Variants in EP400 observed in about 807,000 individuals in gnomAD.
EP400 encodes the protein E1A-binding protein p400.
EP400 carries 105 observed loss-of-function variants against 354.1 expected under a neutral mutation model. The ratio of observed to expected loss-of-function variants is 0.30; its 90% CI spans 0.25 to 0.35. EP400 has a LOEUF of 0.35. Ranked by LOEUF, EP400 falls within the 10% of genes least tolerant of loss-of-function variation. EP400 has a pLI of 1.00. For missense variants in EP400, 3,280 were observed against 4,121.0 expected (o/e 0.80, Z 5.59); for synonymous variants, 1,646 against 1,716.9 (o/e 0.96, Z 1.02).
intron 45 of EP400, among the ~76,000 whole-genome samples, chr12:132,059,517 GAT>G (rs1181889261): frequency 6.6e-6 from 1 of 152,248 alleles, no homozygotes; most frequent in Non-Finnish European, 1.5e-5. Flanking sequence ...AGCAAATGCA[GAT>G]TCTCTCTGGA....
chr12:132,049,582 C>CTTGGCACACTCTCT (rs1895227298), intron 39 of EP400, among the ~76,000 whole-genome samples: 1 of 152,168 alleles, frequency 6.6e-6, no homozygotes, highest in African/African-American at 2.4e-5. Flanking sequence ...TGGTTTTCGC[C>CTTGGCACACTCTCT]TTGGCACACT....
rs568844341 is a variant in EP400 at position 132,064,086 on chromosome 12, A to AC, written c.8335-576dup. On this transcript the variant is annotated intron_variant, in intron 47 of 52. Transcript: ENST00000389561. ...ACCTGCCCCGGTTCAACCACTGATG[A>AC]CCCCCCGGCCTACAGCCACACAGGT... Among the ~76,000 whole-genome samples, 188 of 82,622 alleles carry AC rather than the reference A, an allele frequency of 2.3e-3. 1 individual carries two copies. The highest frequency in any genetic ancestry group is 7.9e-3 in the African/African-American group (178 of 22,516). The allele number at this position is 82,622 out of a possible 152,430, so 54.2% of individuals were successfully genotyped here. A position where few individuals can be genotyped will look rare whatever the true frequency, so the allele number is the denominator to read the frequency against.
chr12:132,038,216 C>T lies in EP400; in HGVS notation c.6207+120C>T. 1.5e-6 allele frequency: 2 copies of T among 1,315,400 alleles called. No homozygotes were observed. Among genetic ancestry groups the T allele is most frequent in the Non-Finnish European group, 1.0e-6 (1 of 964,140 alleles). The allele number at this position is 1,315,400 out of a possible 1,614,324, so 81.5% of individuals were successfully genotyped here. ...TCTTCCCTGGCCTGAAGCCCTCTTC[C>T]CGTCCCTGCTTTTGGAACCTCCCCA... On this transcript the variant is annotated intron_variant, in intron 32 of 52. Transcript: ENST00000389561. This position sits in a 1 kb window ranked among gnomAD's most constrained non-coding sequence, Gnocchi z 4.2.
intron 51 of EP400, chr12:132,076,267 A>T: frequency 8.7e-5 from 46 of 530,028 alleles, no homozygotes; most frequent in East Asian, 1.1e-4. Context: ...AATGTGTCTG[A>T]AATATGAGAC....
intron 1 of EP400, among the ~76,000 whole-genome samples, chr12:131,958,302 ATGCTCTTGGGTGTCTCTGTGGCCT>A (rs1161842089): frequency 1.3e-5 from 2 of 151,942 alleles, no homozygotes; most frequent in Non-Finnish European, 2.9e-5. Flanking sequence ...TGGGAGGGGC[ATGCTCTTGGGTGTCTCTGTGGCCT>A]TGCTCTTCCC....
In EP400 at chr12:132,053,460, G is replaced by T. The variant is rs755546209; in HGVS notation, c.7591G>T (p.Ala2531Ser). 1.4e-6 allele frequency: 2 copies of T among 1,469,242 alleles called. No individual in the cohort carries two copies. The highest frequency in any genetic ancestry group is 2.9e-5 in the African/African-American group (2 of 67,968). 91.0% of individuals were successfully genotyped at this position (1,469,242 alleles called of 1,614,324 possible). A position where few individuals can be genotyped will look rare whatever the true frequency, so the allele number is the denominator to read the frequency against. The change falls in exon 43 of 53, where the codon GCG becomes TCG. Residue 2531 changes from alanine to serine, a missense_variant. Physicochemically the swap from Ala to Ser is moderately conservative, Grantham distance 99 (BLOSUM62 1). Coordinates refer to ENST00000389561, the MANE Select transcript of EP400 (RefSeq NM_015409.5). ...GCCACCGCTGCCACAACCACAGGCA[G>T]CGGGCAGCCAGCCGCCAGCAGGGCC... ...PPPPLPQPQA[A>S]GSQPPAGPPA...
At chr12:132,014,925 G>A (rs1041198399) in intron 19 of EP400, among the ~76,000 whole-genome samples, 2 of 152,208 alleles carry the variant, frequency 1.3e-5, no homozygotes, top group East Asian at 1.9e-4. Flanking sequence ...CCCACCCCCC[G>A]TCCTGGGTCT....
Position 132,075,170 on chromosome 12 carries a change from G to A in EP400, c.9022-1346G>A, listed in dbSNP as rs920668773. ...TTGCAGCCTTTGGGTACCTTTGTGGGTACAGTGTCTCCCTCCAGGATGGCA... is the reference window on the plus strand; with the variant it reads ...TTGCAGCCTTTGGGTACCTTTGTGGATACAGTGTCTCCCTCCAGGATGGCA... On this transcript the variant is annotated intron_variant, in intron 51 of 52. Transcript: ENST00000389561. This position sits in a 1 kb window ranked among gnomAD's most constrained non-coding sequence, Gnocchi z 4.5. Among the ~76,000 whole-genome samples, 2 of 152,078 alleles carry A rather than the reference G, an allele frequency of 1.3e-5. No homozygotes were observed. The highest frequency in any genetic ancestry group is 4.8e-5 in the African/African-American group (2 of 41,388).
rs1379683847 is a variant in EP400, at chr12:132,075,839, C to T, written c.9022-677C>T. 1 of 153,524 alleles carries T rather than the reference C, an allele frequency of 6.5e-6. No homozygotes were observed. Among genetic ancestry groups the T allele is most frequent in the African/African-American group, 2.4e-5 (1 of 41,474 alleles). 9.5% of individuals were successfully genotyped at this position (153,524 alleles called of 1,614,324 possible). On this transcript the variant is annotated intron_variant, in intron 51 of 52. Transcript: ENST00000389561. The surrounding 1 kb of genome is among the most constrained non-coding windows in gnomAD (Gnocchi z 4.5). Reference sequence around the variant, plus strand: ...GGAGGGCCCTTGAAATCAGGGCCCCCAGCAGCTGCCCACGCTGGAGCCTCT... The same window carrying T: ...GGAGGGCCCTTGAAATCAGGGCCCCTAGCAGCTGCCCACGCTGGAGCCTCT...
Position 132,067,888 on chromosome 12 carries a change from C to T in EP400, c.8874+402C>T, listed in dbSNP as rs911803876. 1.3e-4 allele frequency among the ~76,000 whole-genome samples: 20 copies of T among 152,148 alleles called. No homozygotes were observed. The highest frequency in any genetic ancestry group is 2.9e-5 in the Non-Finnish European group (2 of 68,020). ...CCTGCTGGAGGACAGGGATGCCGTA[C>T]AGTCTGGACCCCAGACAGGGAATGT... On this transcript the variant is annotated intron_variant, in intron 50 of 52. Coordinates refer to ENST00000389561, the MANE Select transcript of EP400 (RefSeq NM_015409.5). This position sits in a 1 kb window ranked among gnomAD's most constrained non-coding sequence, Gnocchi z 5.3.
At chr12:131,955,934 C>G (rs562705000) in intron 1 of EP400, among the ~76,000 whole-genome samples, 7 of 152,358 alleles carry the variant, frequency 4.6e-5, no homozygotes, top group African/African-American at 1.7e-4. Flanking sequence ...GCATGAGTCA[C>G]TGCACCCAGC....
chr12:131,999,226 G>T (rs1407108067), intron 12 of EP400, among the ~76,000 whole-genome samples: 1 of 152,056 alleles, frequency 6.6e-6, no homozygotes, highest in African/African-American at 2.4e-5. Flanking sequence ...GTTGTAAATG[G>T]GATAACCAGT....
At chr12:132,005,031 G>T (rs915079662) in intron 12 of EP400, 46 bp from the exon 13 acceptor site, 4 of 1,431,568 alleles carry the variant, frequency 2.8e-6, no homozygotes, top group Admixed American at 2.0e-5. Flanking sequence ...TTAAATTACA[G>T]TTGTTGTTAT....
At chr12:131,995,060 T>C in intron 12 of EP400, 104 bp downstream of exon 12, 1 of 1,118,640 alleles carries the variant, frequency 8.9e-7, no homozygotes, top group Non-Finnish European at 1.3e-6. Flanking sequence ...CAGCAGTGCC[T>C]GTTTTATGGA....
intron 2 of EP400, among the ~76,000 whole-genome samples, chr12:131,974,473 C>T (rs914111701): frequency 6.6e-6 from 1 of 152,112 alleles, no homozygotes; most frequent in Admixed American, 6.6e-5. Context: ...TTGGTAGCTG[C>T]CAACTACTAT....
rs1288871144 is a variant in EP400, at chr12:132,067,927, G to C, written c.8874+441G>C. On this transcript the variant is annotated intron_variant, in intron 50 of 52. Coordinates refer to ENST00000389561, the MANE Select transcript of EP400 (RefSeq NM_015409.5). This position sits in a 1 kb window ranked among gnomAD's most constrained non-coding sequence, Gnocchi z 5.3. ...GACAGGGAATGTGGCCTCTGTGCATGTTGGTGGTGAAAGGGGAGATAAACA... is the reference window on the plus strand; with the variant it reads ...GACAGGGAATGTGGCCTCTGTGCATCTTGGTGGTGAAAGGGGAGATAAACA... Among the ~76,000 whole-genome samples the C allele has an allele frequency of 6.6e-6, 1 of 152,170 alleles. No homozygotes were observed. Among genetic ancestry groups the C allele is most frequent in the Non-Finnish European group, 1.5e-5 (1 of 68,022 alleles).
At chr12:132,045,253 G>C (rs2050958232) in intron 37 of EP400, 66 bp from the exon 38 acceptor site, 1 of 1,586,144 alleles carries the variant, frequency 6.3e-7, no homozygotes, top group Admixed American at 1.7e-5. Flanking sequence ...TGTTTCCTTT[G>C]TCTTTTGCCT....
intron 48 of EP400, chr12:132,065,185 G>A (rs1365747858): frequency 2.0e-6 from 1 of 506,094 alleles, no homozygotes; most frequent in Non-Finnish European, 3.5e-6. Context: ...TGCTGCTGAG[G>A]GACCCTGCAG....
chr12:132,059,234 A>G (rs564294633), intron 45 of EP400, among the ~76,000 whole-genome samples: 1 of 152,284 alleles, frequency 6.6e-6, no homozygotes, highest in South Asian at 2.1e-4. Flanking sequence ...AAAGGAAACT[A>G]TTGATACACC....
Sources: gnomAD v4.1 joint callset for allele counts (sites outside exome capture counted in the v4.1 genomes callset) on GRCh38, gnomAD v4.1.1 for gene constraint, Gnocchi (gnomAD v3.1) non-coding constraint, MANE v1.5 for transcripts, NCBI Gene and HGNC (gene_info 2026-07-23, HGNC 2026-07-21) for gene names.